Variants in GCNT2 observed in about 807,000 individuals in gnomAD.
GCNT2 encodes the protein N-acetyllactosaminide beta-1,6-N-acetylglucosaminyl-transferase.
A neutral mutation model predicts 34.2 loss-of-function variants in GCNT2; 34 were observed. The observed-to-expected ratio is 1.00, with a 90% CI of 0.76 to 1.32. The LOEUF (loss-of-function observed/expected upper bound fraction) is 1.32, where lower values mean the gene tolerates loss of function less well. GCNT2 is among the 40% of genes most tolerant of loss of function. The pLI is 0.00. For missense variants in GCNT2, 584 were observed against 489.4 expected, an observed-to-expected ratio of 1.19 and a Z score of -1.82; for synonymous variants, 212 against 188.0, an observed-to-expected ratio of 1.13 and a Z score of -1.04.
intron 3 of GCNT2, among the ~76,000 whole-genome samples, chr6:10,542,195 A>G (rs1027116397): frequency 2.0e-5 from 3 of 152,126 alleles, no homozygotes; most frequent in Admixed American, 1.3e-4. Context: ...AGAATCTACA[A>G]CAGATCGACA....
rs377397535 is a variant in GCNT2, at chr6:10,529,709, C to T, written c.798C>T (p.Tyr266=). The T allele has an allele frequency of 2.8e-5, 46 of 1,614,112 alleles. No homozygotes were observed. The East Asian group carries it at 5.6e-4, about 20-fold the overall frequency. The change falls in exon 3 of 5, where the codon TAC becomes TAT. Residue 266 remains tyrosine (Y), a synonymous_variant. Transcript: ENST00000495262. The part of the protein sequence containing the change: ...HDMVIYFGTA[Y]VALTRDFANF... ...TGGTGATTTACTTTGGCACGGCCTA[C>T]GTGGCTCTCACAAGGGACTTTGCTA... is the stretch of plus-strand genomic sequence containing the variant.
At chr6:10,555,024 G>T (rs778125082) in intron 3 of GCNT2, among the ~76,000 whole-genome samples, 8 of 152,216 alleles carry the variant, frequency 5.3e-5, no homozygotes, top group Admixed American at 4.6e-4. Context: ...TGAAGGCAAG[G>T]AATCCGCGTG....
At chr6:10,598,388 G>A (rs576164575) in intron 3 of GCNT2, among the ~76,000 whole-genome samples, 3 of 152,126 alleles carry the variant, frequency 2.0e-5, no homozygotes, top group South Asian at 2.1e-4. Context: ...CCCTCTCCAC[G>A]GTATATTAAT....
At chr6:10,580,781 T>C (rs1764036924) in intron 3 of GCNT2, among the ~76,000 whole-genome samples, 1 of 149,972 alleles carries the variant, frequency 6.7e-6, no homozygotes, top group African/African-American at 2.4e-5. Flanking sequence ...TCGTGGAAGA[T>C]TAATGAGAAC....
chr6:10,592,087 G>C (rs567182222), intron 3 of GCNT2, among the ~76,000 whole-genome samples: 2 of 138,902 alleles, frequency 1.4e-5, no homozygotes, highest in East Asian at 3.9e-4. Flanking sequence ...GTAGAATCAT[G>C]TCTTAACAAA....
chr6:10,611,520 G>C (rs1328051423), intron 3 of GCNT2, among the ~76,000 whole-genome samples: 1 of 151,430 alleles, frequency 6.6e-6, no homozygotes, highest in South Asian at 2.1e-4. Context: ...TAGTAGAGAC[G>C]GGGTTTCACC....
At chr6:10,619,093 G>C (rs1765918334) in intron 3 of GCNT2, 2 of 152,038 alleles carry the variant, frequency 1.3e-5, no homozygotes, top group South Asian at 4.1e-4. Flanking sequence ...ATTTTTAAAA[G>C]CCTAATTCAA....
chr6:10,622,503 C>G (rs933559436), intron 4 of GCNT2, among the ~76,000 whole-genome samples: 1 of 151,914 alleles, frequency 6.6e-6, no homozygotes, highest in Admixed American at 6.6e-5. Flanking sequence ...ATGGCCCACC[C>G]TAAAGGTCTC....
rs747084737 is a variant in GCNT2, at chr6:10,529,844, C to T, written c.925+8C>T. ...CACTCAACAGGATTCCCGGTATGTA[C>T]GTCTCTTAACTTTTATTTTTACGAA... On this transcript the variant is annotated splice_region_variant and intron_variant, in intron 3 of 4. Coordinates refer to ENST00000495262, the MANE Select transcript of GCNT2 (RefSeq NM_145649.5). The T allele has an allele frequency of 2.1e-5, 34 of 1,602,858 alleles. No homozygotes were observed. Among genetic ancestry groups the T allele is most frequent in the Non-Finnish European group, 2.8e-5 (33 of 1,170,412 alleles).
chr6:10,539,416 T>C (rs1761936817), intron 3 of GCNT2, among the ~76,000 whole-genome samples: 1 of 151,918 alleles, frequency 6.6e-6, no homozygotes, highest in Non-Finnish European at 1.5e-5. Flanking sequence ...CTCGAACTCC[T>C]GACCTCAGGC....
Position 10,528,853 on chromosome 6 carries a change from A to AT in GCNT2, c.-58dup. On this transcript the variant is annotated 5_prime_UTR_variant, in exon 3 of 5. Coordinates refer to ENST00000495262, the MANE Select transcript of GCNT2 (RefSeq NM_145649.5). The stretch of plus-strand genomic sequence containing the variant: ...AACCTGGAGAAAATGTAAGTTAAAT[A>AT]TATCTACACTCTGATCCTATCTCAA... 7.4e-7 allele frequency: 1 copy of AT among 1,342,882 alleles called. No homozygotes were observed. The highest frequency in any genetic ancestry group is 2.3e-5 in the East Asian group (1 of 43,722). The allele number at this position is 1,342,882 out of a possible 1,614,324, so 83.2% of individuals were successfully genotyped here. A position where few individuals can be genotyped will look rare whatever the true frequency, so the allele number is the denominator to read the frequency against.
chr6:10,604,097 A>G (rs1447168164), intron 3 of GCNT2, among the ~76,000 whole-genome samples: 2 of 151,780 alleles, frequency 1.3e-5, no homozygotes, highest in South Asian at 2.1e-4. Flanking sequence ...AGGTTTCACA[A>G]TGTTGGCCAG....
At chr6:10,569,857 T>C (rs1286384318) in intron 3 of GCNT2, among the ~76,000 whole-genome samples, 11 of 146,820 alleles carry the variant, frequency 7.5e-5, no homozygotes, top group Non-Finnish European at 9.2e-5. Flanking sequence ...TTCTCTTTCT[T>C]TCTCTTTCTT....
intron 3 of GCNT2, among the ~76,000 whole-genome samples, chr6:10,579,826 CAAAAAAA>C (rs61490868): frequency 1.0e-3 from 90 of 89,916 alleles, no homozygotes; most frequent in Middle Eastern, 6.4e-3. Flanking sequence ...AAAAAACAAA[CAAAAAAA>C]AAAAAAAAAA....
At chr6:10,579,906 C>G (rs1204866811) in intron 3 of GCNT2, among the ~76,000 whole-genome samples, 3 of 150,594 alleles carry the variant, frequency 2.0e-5, no homozygotes, top group South Asian at 2.1e-4. Flanking sequence ...ACCAAATGAT[C>G]TCACACAGCT....
chr6:10,574,489 G>A (rs611575), intron 3 of GCNT2, among the ~76,000 whole-genome samples: 2,871 of 152,218 alleles, frequency 0.019, 71 homozygotes, highest in African/African-American at 0.063. Flanking sequence ...TGGGTAGAAG[G>A]ATGCTCAACA....
At chr6:10,542,824 A>G (rs1046127648) in intron 3 of GCNT2, among the ~76,000 whole-genome samples, 12 of 147,478 alleles carry the variant, frequency 8.1e-5, no homozygotes, top group African/African-American at 2.8e-4. Flanking sequence ...ACAAGTCACT[A>G]TGGGGACACA....
At chr6:10,536,304 G>T (rs1027305215) in intron 3 of GCNT2, among the ~76,000 whole-genome samples, 1 of 152,076 alleles carries the variant, frequency 6.6e-6, no homozygotes, top group Admixed American at 6.6e-5. Context: ...TATTAGCTCC[G>T]CTTAAGCAAT....
intron 3 of GCNT2, among the ~76,000 whole-genome samples, chr6:10,531,258 A>C (rs752818974): frequency 6.6e-6 from 1 of 152,180 alleles, no homozygotes; most frequent in African/African-American, 2.4e-5. Flanking sequence ...CCAAGTTCCA[A>C]ATGATTTTTG....
Sources: allele counts gnomAD v4.1 joint callset (sites outside exome capture counted in the v4.1 genomes callset), GRCh38; gene constraint gnomAD v4.1.1; transcripts MANE v1.5; gene names NCBI Gene and HGNC (gene_info 2026-07-23, HGNC 2026-07-21).